The following RBPMS variants were observed in gnomAD, a reference collection of about 807,000 sequenced individuals.
RBPMS encodes RNA binding protein, mRNA processing factor, also known as RNA-binding protein with multiple splicing.
RBPMS carries 7 observed loss-of-function variants against 26.8 expected under a neutral mutation model. The ratio of observed to expected loss-of-function variants is 0.26; its 90% confidence interval spans 0.15 to 0.49. The LOEUF is 0.49. Ranked by LOEUF, RBPMS falls within the 20% of genes least tolerant of loss-of-function variation. RBPMS has a pLI of 0.98. For missense variants in RBPMS, 186 were observed against 250.0 expected (o/e 0.74, Z 1.73); for synonymous variants, 96 against 93.3 (o/e 1.03, Z -0.17).
intron 1 of RBPMS, among the ~76,000 whole-genome samples, chr8:30,459,207 C>T (rs1356357819): frequency 1.3e-5 from 2 of 151,882 alleles, no homozygotes; most frequent in African/African-American, 4.8e-5. Flanking sequence ...AGTGATCCTC[C>T]CATCTTGGCC....
At chr8:30,524,222 G>T (rs1231684819) in intron 5 of RBPMS, among the ~76,000 whole-genome samples, 1 of 152,102 alleles carries the variant, frequency 6.6e-6, no homozygotes, top group Non-Finnish European at 1.5e-5. Context: ...TACAGCCATT[G>T]ATTATCAGGA....
At chr8:30,480,527 A>G (rs1818166211) in intron 4 of RBPMS, among the ~76,000 whole-genome samples, 1 of 152,212 alleles carries the variant, frequency 6.6e-6, no homozygotes, top group African/African-American at 2.4e-5. Flanking sequence ...TTTCATATAA[A>G]GCATATAGGA....
intron 5 of RBPMS, among the ~76,000 whole-genome samples, chr8:30,508,700 G>A (rs1821299723): frequency 6.6e-6 from 1 of 151,790 alleles, no homozygotes; most frequent in Non-Finnish European, 1.5e-5. Flanking sequence ...TTCCCAGCAA[G>A]TGTGGAGAGA....
intron 1 of RBPMS, among the ~76,000 whole-genome samples, chr8:30,427,914 T>C (rs2150653633): frequency 6.6e-6 from 1 of 151,768 alleles, no homozygotes; most frequent in African/African-American, 2.4e-5. Flanking sequence ...CTAGGCCAGG[T>C]GCCATGGCTT....
At position 30,385,075 on chromosome 8, in the gene RBPMS, C is replaced by A. The variant is rs1806848819; in HGVS notation, c.-18C>A. 2 of 1,505,410 alleles carry A rather than the reference C, an allele frequency of 1.3e-6. No individual in the cohort carries two copies. Among genetic ancestry groups the A allele is most frequent in the African/African-American group, 1.4e-5 (1 of 69,208 alleles). The allele number at this position is 1,505,410 out of a possible 1,614,324, so 93.3% of individuals were successfully genotyped here. Reference sequence around the variant, plus strand: ...CGCGCCCCAGCCCTGCCCGGCCCGGCGAGGAAGGACCGGGAAGATGAACAA... The same window carrying A: ...CGCGCCCCAGCCCTGCCCGGCCCGGAGAGGAAGGACCGGGAAGATGAACAA... On this transcript the variant is annotated 5_prime_UTR_variant, in exon 1 of 9. Transcript: ENST00000397323.
intron 6 of RBPMS, among the ~76,000 whole-genome samples, chr8:30,554,611 ATG>A (rs1365293584): frequency 1.3e-5 from 2 of 152,216 alleles, no homozygotes; most frequent in Admixed American, 1.3e-4. Context: ...AGACTTGACC[ATG>A]TGCCTGGTGA....
At chr8:30,414,783 A>G (rs1328139253) in intron 1 of RBPMS, among the ~76,000 whole-genome samples, 4 of 152,108 alleles carry the variant, frequency 2.6e-5, no homozygotes, top group South Asian at 2.1e-4. Context: ...AAAATTCACT[A>G]TTTTTCCCAG....
intron 1 of RBPMS, among the ~76,000 whole-genome samples, chr8:30,436,925 C>CTTTT (rs370802180): frequency 3.6e-5 from 5 of 140,048 alleles, no homozygotes; most frequent in African/African-American, 1.3e-4. Flanking sequence ...ATATATGTAG[C>CTTTT]TTTTTTTTTT....
At chr8:30,411,029 G>A (rs2150579570) in intron 1 of RBPMS, among the ~76,000 whole-genome samples, 1 of 152,220 alleles carries the variant, frequency 6.6e-6, no homozygotes, top group East Asian at 1.9e-4. Flanking sequence ...GTGAGCCACT[G>A]TGCCTGGCCG....
At chr8:30,475,061 T>A (rs139944315) in intron 2 of RBPMS, among the ~76,000 whole-genome samples, 2,290 of 152,330 alleles carry the variant, frequency 0.015, 19 homozygotes, top group Non-Finnish European at 0.024. Flanking sequence ...TGCAGTAATG[T>A]AAGTGAAGAT....
At chr8:30,426,057 CAG>C (rs1811320595) in intron 1 of RBPMS, among the ~76,000 whole-genome samples, 4 of 152,208 alleles carry the variant, frequency 2.6e-5, no homozygotes, top group African/African-American at 9.6e-5. Flanking sequence ...AAGTTACTTA[CAG>C]TCCCTTGACT....
chr8:30,513,587 CAAAAAAAAAAAAAAAA>C (rs56184994), intron 5 of RBPMS, among the ~76,000 whole-genome samples: 9 of 108,518 alleles, frequency 8.3e-5, no homozygotes, highest in African/African-American at 2.4e-4. Flanking sequence ...GACTCCATCT[CAAAAAAAAAAAAAAAA>C]AAAAAAAAAA....
In RBPMS at chr8:30,530,174, G is replaced by A. The variant is rs1312844378; in HGVS notation, c.398-14320G>A. 2.6e-5 allele frequency among the ~76,000 whole-genome samples: 4 copies of A among 152,272 alleles called. No homozygotes were observed. The East Asian group carries it at 7.7e-4, about 29-fold the overall frequency. ...GTTTCCACCATTTGCCTATTGTACAGAGCCCAAGTTTTAACTGGAATGTAT... is the reference window on the plus strand; with the variant it reads ...GTTTCCACCATTTGCCTATTGTACAAAGCCCAAGTTTTAACTGGAATGTAT... On this transcript the variant is annotated intron_variant, in intron 5 of 8. Coordinates refer to ENST00000397323, the MANE Select transcript of RBPMS (RefSeq NM_001008710.3).
chr8:30,516,947 G>C (rs1434155730), intron 5 of RBPMS, among the ~76,000 whole-genome samples: 1 of 119,462 alleles, frequency 8.4e-6, no homozygotes, highest in Non-Finnish European at 1.9e-5. Context: ...TTCCTCATGT[G>C]AATTGATTTT....
At chr8:30,561,818 T>C (rs1389712104) in intron 7 of RBPMS, 1 of 980,278 alleles carries the variant, frequency 1.0e-6, no homozygotes, top group African/African-American at 1.8e-5. Flanking sequence ...TTTTTTCCCC[T>C]TAAGAATTTA....
intron 1 of RBPMS, among the ~76,000 whole-genome samples, chr8:30,451,373 C>T (rs554779400): frequency 2.5e-4 from 38 of 152,292 alleles, no homozygotes; most frequent in African/African-American, 9.1e-4. Context: ...AGTGTCTGTA[C>T]TCATGGGGCT....
At chr8:30,416,913 G>T (rs1036436162) in intron 1 of RBPMS, among the ~76,000 whole-genome samples, 1 of 152,132 alleles carries the variant, frequency 6.6e-6, no homozygotes, top group Non-Finnish European at 1.5e-5. Context: ...GGGATTACAG[G>T]CATGCACCAC....
intron 1 of RBPMS, chr8:30,453,744 A>G (rs1814884253): frequency 6.6e-6 from 1 of 152,116 alleles, no homozygotes. Context: ...AATCTTCCCA[A>G]CGATCTTCAG....
chr8:30,419,512 G>A (rs2150614032), intron 1 of RBPMS, among the ~76,000 whole-genome samples: 1 of 150,550 alleles, frequency 6.6e-6, no homozygotes, highest in South Asian at 2.1e-4. Flanking sequence ...CAGGTAGAGA[G>A]CATTTCTAAT....
Sources: allele counts gnomAD v4.1 joint callset (sites outside exome capture counted in the v4.1 genomes callset), GRCh38; gene constraint gnomAD v4.1.1; transcripts MANE v1.5; gene names NCBI Gene and HGNC (gene_info 2026-07-23, HGNC 2026-07-21).